Variants in KIAA1328 observed in about 807,000 individuals in gnomAD.
KIAA1328 encodes the protein protein hinderin.
In KIAA1328, 52 loss-of-function variants were observed where a neutral mutation model predicts 68.1. The observed-to-expected ratio is 0.76, with a 90% CI of 0.61 to 0.96. The LOEUF is 0.96. KIAA1328 is among the 40% of genes least tolerant of loss of function. KIAA1328 has a pLI of 0.00. For missense variants in KIAA1328, 641 were observed against 677.6 expected (o/e 0.95, Z 0.60); for synonymous variants, 232 against 239.4 (o/e 0.97, Z 0.28).
intron 7 of KIAA1328, among the ~76,000 whole-genome samples, chr18:37,097,262 GA>G (rs542473274): frequency 6.2e-4 from 94 of 152,284 alleles, no homozygotes; most frequent in African/African-American, 2.1e-3. Context: ...AAGGTGTGAG[GA>G]AGGGATCCAG....
rs2060588094 is a variant in KIAA1328 at position 37,222,818 on chromosome 18, C to T, written c.*591C>T. 1.0e-6 allele frequency: 1 copy of T among 991,386 alleles called. No homozygotes were observed. Among genetic ancestry groups the T allele is most frequent in the African/African-American group, 1.7e-5 (1 of 57,212 alleles). 61.4% of individuals were successfully genotyped at this position (991,386 alleles called of 1,614,324 possible). A position where few individuals can be genotyped will look rare whatever the true frequency, so the allele number is the denominator to read the frequency against. The stretch of plus-strand genomic sequence containing the variant: ...CAGTAGCCATCAGCCTGGCAGCTGC[C>T]CATCCCATAACCAAAGAGCTCAATG... On this transcript the variant is annotated 3_prime_UTR_variant, in exon 10 of 10. Transcript: ENST00000280020.
chr18:37,226,105 C>T (rs1213195935), downstream of KIAA1328, among the ~76,000 whole-genome samples: 2 of 152,150 alleles, frequency 1.3e-5, no homozygotes, highest in Admixed American at 6.5e-5. Context: ...CTGTGGTTCT[C>T]TCTTTCCTTT....
intron 7 of KIAA1328, among the ~76,000 whole-genome samples, chr18:37,131,506 A>C (rs1226345362): frequency 2.6e-5 from 4 of 152,150 alleles, no homozygotes; most frequent in African/African-American, 9.7e-5. Flanking sequence ...CTGAGTGATT[A>C]TTATATATAT....
At chr18:37,030,562 A>C (rs1447660037) in intron 6 of KIAA1328, among the ~76,000 whole-genome samples, 1 of 152,134 alleles carries the variant, frequency 6.6e-6, no homozygotes, top group African/African-American at 2.4e-5. Flanking sequence ...GAAATTATTC[A>C]CCATATCATA....
At chr18:36,877,514 G>GT (rs34759198) in intron 4 of KIAA1328, among the ~76,000 whole-genome samples, 4,942 of 119,094 alleles carry the variant, frequency 0.041, 91 homozygotes, top group Middle Eastern at 0.068. Flanking sequence ...TTTTTTGTTG[G>GT]TTTTTTTTTT....
chr18:36,987,402 G>T (rs1276136621), intron 6 of KIAA1328, among the ~76,000 whole-genome samples: 26 of 147,270 alleles, frequency 1.8e-4, no homozygotes, highest in Non-Finnish European at 3.6e-4. Flanking sequence ...ACGTTAGTGG[G>T]TGCAGCGCAC....
At chr18:37,000,095 A>G (rs1044953962) in intron 6 of KIAA1328, among the ~76,000 whole-genome samples, 8 of 152,122 alleles carry the variant, frequency 5.3e-5, no homozygotes, top group African/African-American at 1.7e-4. Flanking sequence ...ATCCAACCAT[A>G]TGCTGCATAC....
intron 7 of KIAA1328, among the ~76,000 whole-genome samples, chr18:37,074,565 T>C (rs2056646132): frequency 6.6e-6 from 1 of 152,206 alleles, no homozygotes; most frequent in African/African-American, 2.4e-5. Context: ...ACTGATACCC[T>C]TTCTTCCAGT....
chr18:37,167,095 G>A (rs930440858), intron 8 of KIAA1328, among the ~76,000 whole-genome samples: 1 of 152,188 alleles, frequency 6.6e-6, no homozygotes, highest in Non-Finnish European at 1.5e-5. Flanking sequence ...CTCGCAGGTT[G>A]TGTAATGGGG....
At chr18:37,008,083 T>G (rs1000336259) in intron 6 of KIAA1328, among the ~76,000 whole-genome samples, 1 of 152,214 alleles carries the variant, frequency 6.6e-6, no homozygotes, top group Non-Finnish European at 1.5e-5. Flanking sequence ...GGGGGCAGTT[T>G]CCAAGTTTTT....
chr18:36,979,672 C>T (rs1363088935), intron 6 of KIAA1328, among the ~76,000 whole-genome samples: 2 of 152,128 alleles, frequency 1.3e-5, no homozygotes, highest in Non-Finnish European at 2.9e-5. Flanking sequence ...TTGGTAGCAA[C>T]CATAACAATG....
chr18:36,916,920 ATT>A (rs769222475), intron 5 of KIAA1328, among the ~76,000 whole-genome samples: 5 of 142,142 alleles, frequency 3.5e-5, no homozygotes, highest in Non-Finnish European at 1.5e-5. Flanking sequence ...AGCTCACTTC[ATT>A]TTTTTTTTTT....
At chr18:37,188,588 A>G (rs533254819) in intron 9 of KIAA1328, among the ~76,000 whole-genome samples, 1 of 152,284 alleles carries the variant, frequency 6.6e-6, no homozygotes, top group African/African-American at 2.4e-5. Context: ...CTCAGCCAGG[A>G]TTACAGTTTC....
At chr18:36,843,216 G>A (rs911794197) in intron 3 of KIAA1328, among the ~76,000 whole-genome samples, 70 of 151,964 alleles carry the variant, frequency 4.6e-4, no homozygotes, top group African/African-American at 1.4e-3. Context: ...TGGTTTGCTG[G>A]CATCTTACAT....
chr18:37,172,849 G>C (rs748237373), intron 8 of KIAA1328, 124 bp from the exon 9 acceptor site: 16 of 572,108 alleles, frequency 2.8e-5, no homozygotes, highest in Non-Finnish European at 4.7e-5. Context: ...TTACATTTCA[G>C]GGAAACAAGT....
At chr18:37,101,681 T>G (rs1273265431) in intron 7 of KIAA1328, among the ~76,000 whole-genome samples, 1 of 151,994 alleles carries the variant, frequency 6.6e-6, no homozygotes, top group Non-Finnish European at 1.5e-5. Flanking sequence ...ACAAAGATAC[T>G]CCTCAAGAAG....
chr18:36,991,184 T>C (rs1315528126), intron 6 of KIAA1328, among the ~76,000 whole-genome samples: 2 of 152,210 alleles, frequency 1.3e-5, no homozygotes, highest in Non-Finnish European at 1.5e-5. Context: ...CATAGTCCTA[T>C]AGTTGTGTGC....
intron 6 of KIAA1328, among the ~76,000 whole-genome samples, chr18:37,006,160 T>G (rs1221564038): frequency 6.6e-6 from 1 of 152,108 alleles, no homozygotes; most frequent in African/African-American, 2.4e-5. Flanking sequence ...GCCATAAATT[T>G]GTACAAATTA....
chr18:36,942,045 G>T (rs2050733762), intron 5 of KIAA1328, among the ~76,000 whole-genome samples: 1 of 152,168 alleles, frequency 6.6e-6, no homozygotes, highest in South Asian at 2.1e-4. Context: ...TATGCTTGTG[G>T]AAGTTAATAT....
Sources: allele counts gnomAD v4.1 joint callset (sites outside exome capture counted in the v4.1 genomes callset), GRCh38; gene constraint gnomAD v4.1.1; transcripts MANE v1.5; gene names NCBI Gene and HGNC (gene_info 2026-07-23, HGNC 2026-07-21).